The following RPS6KA2 variants were observed in gnomAD, a reference collection of about 807,000 sequenced individuals.
RPS6KA2 encodes ribosomal protein S6 kinase A2.
In RPS6KA2, 42 loss-of-function variants were observed where a neutral mutation model predicts 91.8. That is an observed-to-expected ratio of 0.46 (90% CI 0.36 to 0.59). The LOEUF (loss-of-function observed/expected upper bound fraction) is 0.59, where lower values mean the gene tolerates loss of function less well. Ranked by LOEUF, RPS6KA2 falls within the 20% of genes least tolerant of loss-of-function variation. The pLI is 0.00. For missense variants in RPS6KA2, 798 were observed against 978.5 expected (o/e 0.82, Z 2.46); for synonymous variants, 414 against 393.6 (o/e 1.05, Z -0.61).
chr6:166,702,570 A>G (rs1789557752), intron 2 of RPS6KA2: 2 of 1,431,526 alleles, frequency 1.4e-6, no homozygotes, highest in South Asian at 2.3e-5. Flanking sequence ...ACTGTAAGTG[A>G]GGAGGGATAT....
intron 2 of RPS6KA2, among the ~76,000 whole-genome samples, chr6:166,645,371 G>T (rs1787574271): frequency 6.6e-6 from 1 of 151,902 alleles, no homozygotes; most frequent in Non-Finnish European, 1.5e-5. Context: ...TTAAGTAAAA[G>T]AACACTGAGA....
At chr6:166,518,492 A>C (rs561307186) in intron 3 of RPS6KA2, among the ~76,000 whole-genome samples, 1 of 152,304 alleles carries the variant, frequency 6.6e-6, no homozygotes, top group Non-Finnish European at 1.5e-5. Context: ...AAATAAATAC[A>C]ATACCCAAAT....
rs1376206621 is a variant in RPS6KA2 at position 166,858,237 on chromosome 6, A to G, written c.86T>C (p.Leu29Pro). The change falls in exon 2 of 22, where the codon CTG (leucine) becomes CCG (proline). Residue 29 changes from leucine (L) to proline (P), a missense_variant. Transcript: ENST00000503859. ...GTCTTCTGTGGTGGGCTCCACATCC[A>G]GGTTGAGATCCTCCTCTGTGGTCTG... 2.6e-6 allele frequency: 4 copies of G among 1,542,036 alleles called. No individual in the cohort carries two copies. The African/African-American group carries it at 4.0e-5, about 16-fold the overall frequency.
intron 2 of RPS6KA2, among the ~76,000 whole-genome samples, chr6:166,727,108 G>C (rs1790360323): frequency 6.6e-6 from 1 of 151,998 alleles, no homozygotes; most frequent in African/African-American, 2.4e-5. Flanking sequence ...CCTGGGGGTG[G>C]TTTCTCCTGA....
chr6:166,634,781 T>A (rs1487825654), intron 2 of RPS6KA2, among the ~76,000 whole-genome samples: 2 of 152,150 alleles, frequency 1.3e-5, no homozygotes, highest in Non-Finnish European at 2.9e-5. Context: ...TTTGTACTTT[T>A]AGTAGAGATG....
At chr6:166,550,917 C>T (rs1331962406) in intron 1 of RPS6KA2, among the ~76,000 whole-genome samples, 3 of 145,994 alleles carry the variant, frequency 2.1e-5, no homozygotes, top group Non-Finnish European at 1.5e-5. Flanking sequence ...AGCGGAATCG[C>T]TTGAACCTGG....
chr6:166,600,268 A>G lies in RPS6KA2; in HGVS notation c.99+26653T>C, dbSNP rs529072840. The stretch of plus-strand genomic sequence containing the variant: ...GATCTTCTGGCCTCAGCCTCCCAAC[A>G]TGCTGGGATGACAGGCACGAGCCAT... On this transcript the variant is annotated intron_variant, in intron 1 of 20. Transcript: ENST00000265678. Among the ~76,000 whole-genome samples the G allele has an allele frequency of 2.6e-5, 4 of 152,158 alleles. No homozygotes were observed. The South Asian group carries it at 8.3e-4, about 32-fold the overall frequency.
rs1009037768 is a variant in RPS6KA2 at position 166,493,264 on chromosome 6, C to A, written c.748-2523G>T. ...TGCTGGGGCGGAGGTGTGGACTTTG[C>A]AGCCTCCACCAGCCATGGGGTTCTG... is the stretch of plus-strand genomic sequence containing the variant. On this transcript the variant is annotated intron_variant, in intron 8 of 20. Coordinates refer to ENST00000265678, the MANE Select transcript of RPS6KA2 (RefSeq NM_021135.6). This position sits in a 1 kb window ranked among gnomAD's most constrained non-coding sequence, Gnocchi z 4.7. Among the ~76,000 whole-genome samples the A allele has an allele frequency of 6.6e-6, 1 of 152,150 alleles. No individual in the cohort carries two copies. Among genetic ancestry groups the A allele is most frequent in the Non-Finnish European group, 1.5e-5 (1 of 68,026 alleles).
At chr6:166,747,356 C>T (rs143466024) in intron 2 of RPS6KA2, among the ~76,000 whole-genome samples, 45 of 152,316 alleles carry the variant, frequency 3.0e-4, no homozygotes, top group Middle Eastern at 6.8e-3. Flanking sequence ...ATTTTGGTAT[C>T]GCAGATACTG....
In RPS6KA2 at chr6:166,432,864, G is replaced by A. The variant is rs148951735; in HGVS notation, c.1333-374C>T. 2.9e-3 allele frequency among the ~76,000 whole-genome samples: 444 copies of A among 152,134 alleles called. 1 individual carries two copies. The highest frequency in any genetic ancestry group is 0.024 in the Middle Eastern group (7 of 294). Reference sequence around the variant, plus strand: ...ACAAATATTAGCCAGACATGGTGGTGTGTGCCTGTAATCCCAGCTACTCAG... The same window carrying A: ...ACAAATATTAGCCAGACATGGTGGTATGTGCCTGTAATCCCAGCTACTCAG... On this transcript the variant is annotated intron_variant, in intron 14 of 20. Coordinates refer to ENST00000265678, the MANE Select transcript of RPS6KA2 (RefSeq NM_021135.6).
At chr6:166,785,593 C>A (rs1778908302) in intron 2 of RPS6KA2, among the ~76,000 whole-genome samples, 1 of 152,204 alleles carries the variant, frequency 6.6e-6, no homozygotes, top group East Asian at 1.9e-4. Context: ...AGAATCTGAG[C>A]AACATGAACA....
At chr6:166,836,063 G>A (rs1780308462) in intron 2 of RPS6KA2, among the ~76,000 whole-genome samples, 1 of 152,106 alleles carries the variant, frequency 6.6e-6, no homozygotes, top group Admixed American at 6.5e-5. Context: ...TGCACTTGCT[G>A]GAATAAGTTC....
intron 1 of RPS6KA2, among the ~76,000 whole-genome samples, chr6:166,616,035 C>T (rs1786397670): frequency 6.6e-6 from 1 of 152,112 alleles, no homozygotes; most frequent in South Asian, 2.1e-4. Flanking sequence ...AGGCCTCTAC[C>T]GTGTCTCTTG....
intron 1 of RPS6KA2, among the ~76,000 whole-genome samples, chr6:166,590,519 C>T (rs188793331): frequency 5.8e-4 from 89 of 152,300 alleles, no homozygotes; most frequent in Admixed American, 3.3e-3. Context: ...TCCAGACATG[C>T]AGCAGCACAA....
intron 2 of RPS6KA2, among the ~76,000 whole-genome samples, chr6:166,752,479 A>G (rs1215806728): frequency 6.6e-6 from 1 of 152,236 alleles, no homozygotes; most frequent in African/African-American, 2.4e-5. Context: ...TATAATTAGT[A>G]AAAATATAGG....
intron 1 of RPS6KA2, among the ~76,000 whole-genome samples, chr6:166,599,680 C>T (rs1785659841): frequency 6.6e-6 from 1 of 152,188 alleles, no homozygotes; most frequent in Non-Finnish European, 1.5e-5. Context: ...AATGCAACAT[C>T]TTACTCTTAT....
chr6:166,489,489 C>T (rs1235646075), intron 9 of RPS6KA2, among the ~76,000 whole-genome samples: 5 of 152,178 alleles, frequency 3.3e-5, no homozygotes, highest in African/African-American at 9.7e-5. Context: ...GAACCCCACG[C>T]GCAGAGCCTA....
At chr6:166,655,357 C>T (rs143345826) in intron 2 of RPS6KA2, among the ~76,000 whole-genome samples, 75 of 152,326 alleles carry the variant, frequency 4.9e-4, no homozygotes, top group African/African-American at 1.7e-3. Flanking sequence ...TTGGTGACAA[C>T]GTGCAGACAC....
intron 12 of RPS6KA2, among the ~76,000 whole-genome samples, chr6:166,458,017 C>T (rs114113959): frequency 6.6e-6 from 1 of 152,314 alleles, no homozygotes; most frequent in South Asian, 2.1e-4. Context: ...ACAGAAGGAG[C>T]TTGTGGATGG....
Sources: gnomAD v4.1 joint callset for allele counts (sites outside exome capture counted in the v4.1 genomes callset) on GRCh38, gnomAD v4.1.1 for gene constraint, Gnocchi (gnomAD v3.1) non-coding constraint, MANE v1.5 for transcripts, NCBI Gene and HGNC (gene_info 2026-07-23, HGNC 2026-07-21) for gene names.